Variants in MYL1 observed in about 807,000 individuals in gnomAD.
The protein encoded by MYL1 is myosin light chain 1/3, skeletal muscle isoform.
MYL1 carries 16 observed loss-of-function variants against 21.8 expected under a neutral mutation model. The observed-to-expected ratio is 0.74, with a 90% confidence interval of 0.50 to 1.12. The LOEUF is 1.12. MYL1 is among the 50% of genes most tolerant of loss of function. The pLI, the probability that MYL1 is intolerant of heterozygous loss-of-function variation, is 0.00. For synonymous variants in MYL1, 99 were observed against 85.2 expected, an observed-to-expected ratio of 1.16 and a Z score of -0.89; for missense variants, 246 against 241.0, an observed-to-expected ratio of 1.02 and a Z score of -0.14.
At chr2:210,293,836 C>T (rs1575701720) in intron 4 of MYL1, 36 bp from the exon 5 acceptor site, 2 of 1,594,822 alleles carry the variant, frequency 1.3e-6, no homozygotes, top group East Asian at 2.2e-5. Flanking sequence ...GAAAGAAGGC[C>T]ATGTGTTATT....
intron 1 of MYL1, 129 bp from the exon 2 acceptor site, chr2:210,302,644 T>C: frequency 1.3e-6 from 2 of 1,492,408 alleles, no homozygotes; most frequent in Non-Finnish European, 1.8e-6. Flanking sequence ...CTTTTCAGAG[T>C]TCAGGCGTAG....
chr2:210,297,915 G>T (rs1690202406), intron 3 of MYL1, among the ~76,000 whole-genome samples: 1 of 151,950 alleles, frequency 6.6e-6, no homozygotes, highest in Non-Finnish European at 1.5e-5. Context: ...TATCAGAGGA[G>T]AACTTCTCTA....
chr2:210,313,342 T>C (rs1222750374), intron 1 of MYL1, among the ~76,000 whole-genome samples: 3 of 152,010 alleles, frequency 2.0e-5, no homozygotes, highest in Admixed American at 1.3e-4. Flanking sequence ...TCTCTTATGT[T>C]ACTACAGAGT....
chr2:210,290,589 A>G (rs921332467), intron 6 of MYL1, 122 bp from the exon 7 acceptor site: 45 of 152,604 alleles, frequency 2.9e-4, no homozygotes, highest in Non-Finnish European at 5.7e-4. Context: ...CACTTACAAG[A>G]TGAGCCAATT....
chr2:210,295,526 T>C (rs921987742), intron 3 of MYL1, among the ~76,000 whole-genome samples: 1 of 151,936 alleles, frequency 6.6e-6, no homozygotes, highest in African/African-American at 2.4e-5. Context: ...ATGCCTGTAG[T>C]CCCCAGCTAC....
At chr2:210,290,843 C>G (rs1196105968) in intron 6 of MYL1, among the ~76,000 whole-genome samples, 189 bp downstream of exon 6, 1 of 151,846 alleles carries the variant, frequency 6.6e-6, no homozygotes, top group Non-Finnish European at 1.5e-5. Context: ...TAGGTTTTTG[C>G]TTATATCTCG....
At chr2:210,302,459 C>T (rs1401649152) in intron 2 of MYL1, 29 bp downstream of exon 2, 3 of 1,598,464 alleles carry the variant, frequency 1.9e-6, no homozygotes, top group East Asian at 2.2e-5. Context: ...TGAGTGTGCA[C>T]ATTTAAGAAC....
chr2:210,290,647 AAC>A (rs1575700349), intron 6 of MYL1, among the ~76,000 whole-genome samples, 180 bp from the exon 7 acceptor site: 1 of 152,176 alleles, frequency 6.6e-6, no homozygotes, highest in East Asian at 1.9e-4. Context: ...GGACTGTTAT[AAC>A]ACGGTTTTCT....
intron 1 of MYL1, chr2:210,302,734 C>G (rs1455096670): frequency 6.4e-7 from 1 of 1,561,062 alleles, no homozygotes; most frequent in Non-Finnish European, 8.7e-7. Flanking sequence ...AGTGCTGTGC[C>G]TACATCTGTA....
chr2:210,294,275 C>T lies in MYL1; in HGVS notation c.448G>A (p.Ala150Thr), dbSNP rs374842955. ...GTGGCTAGAACATGGCGGAGTTCAG[C>T]ACCCATGACTGTGCCATTGCCTTCC... Reference protein sequence around the residue: ...DKEGNGTVMGAELRHVLATLG... With the variant: ...DKEGNGTVMGTELRHVLATLG... The change falls in exon 4 of 7, where the codon GCT becomes ACT. Residue 150 changes from alanine to threonine, a missense_variant. Coordinates refer to ENST00000352451, the MANE Select transcript of MYL1 (RefSeq NM_079420.3). 1 of 1,613,642 alleles carries T rather than the reference C, an allele frequency of 6.2e-7. No individual in the cohort carries two copies. The highest frequency in any genetic ancestry group is 8.5e-7 in the Non-Finnish European group (1 of 1,179,810).
At chr2:210,292,259 G>A (rs1016624735) in intron 5 of MYL1, among the ~76,000 whole-genome samples, 3 of 151,946 alleles carry the variant, frequency 2.0e-5, no homozygotes, top group African/African-American at 7.3e-5. Flanking sequence ...TTTTAGTAGA[G>A]ACAGGGTTTC....
intron 1 of MYL1, among the ~76,000 whole-genome samples, chr2:210,310,752 G>A (rs1690406664): frequency 6.6e-6 from 1 of 152,026 alleles, no homozygotes; most frequent in African/African-American, 2.4e-5. Context: ...TTGCTCTGAT[G>A]TGTCTGTCAT....
At chr2:210,291,933 G>T (rs1690081590) in intron 5 of MYL1, among the ~76,000 whole-genome samples, 1 of 152,002 alleles carries the variant, frequency 6.6e-6, no homozygotes. Context: ...ATAACCTAGG[G>T]GTTTTAACAA....
At chr2:210,295,046 T>G (rs1161040080) in intron 3 of MYL1, among the ~76,000 whole-genome samples, 1 of 152,082 alleles carries the variant, frequency 6.6e-6, no homozygotes, top group African/African-American at 2.4e-5. Flanking sequence ...CTTTGTACCT[T>G]AGAGGCCAGG....
At chr2:210,311,471 A>T (rs1370977465) in intron 1 of MYL1, among the ~76,000 whole-genome samples, 2 of 152,044 alleles carry the variant, frequency 1.3e-5, no homozygotes, top group Non-Finnish European at 2.9e-5. Context: ...CTGTACCTTT[A>T]CCACGTTTTA....
chr2:210,295,264 A>G (rs1184823204), intron 3 of MYL1, among the ~76,000 whole-genome samples: 2 of 152,182 alleles, frequency 1.3e-5, no homozygotes, highest in Non-Finnish European at 2.9e-5. Context: ...AAAAAATTAA[A>G]TTTGAATGCT....
chr2:210,312,849 T>C (rs991449643), intron 1 of MYL1, among the ~76,000 whole-genome samples: 4 of 151,940 alleles, frequency 2.6e-5, no homozygotes, highest in African/African-American at 9.7e-5. Flanking sequence ...CCAATTCTCA[T>C]AGAGACACTC....
At chr2:210,302,789 A>G (rs1485650186) in intron 1 of MYL1, 8 of 1,564,042 alleles carry the variant, frequency 5.1e-6, no homozygotes, top group Non-Finnish European at 6.9e-6. Context: ...TCAGCACTGA[A>G]GGACTGCAGT....
At chr2:210,291,668 A>G (rs1690077663) in intron 5 of MYL1, among the ~76,000 whole-genome samples, 1 of 152,232 alleles carries the variant, frequency 6.6e-6, no homozygotes, top group Non-Finnish European at 1.5e-5. Context: ...TTATAACTGT[A>G]CACAAGAGTG....
Sources: gnomAD v4.1 joint callset for allele counts (sites outside exome capture counted in the v4.1 genomes callset) on GRCh38, gnomAD v4.1.1 for gene constraint, MANE v1.5 for transcripts, NCBI Gene and HGNC (gene_info 2026-07-23, HGNC 2026-07-21) for gene names.